Variants in CTPS2 observed in about 807,000 individuals in gnomAD.
The protein encoded by CTPS2 is CTP synthase 2.
A neutral mutation model predicts 46.8 loss-of-function variants in CTPS2; 19 were observed. The ratio of observed to expected loss-of-function variants is 0.41; its 90% CI spans 0.28 to 0.60. The LOEUF is 0.60. CTPS2 is among the 20% of genes least tolerant of loss of function. The probability of loss-of-function intolerance (pLI) is 0.35; values close to 1 mark genes in which losing one functional copy is unlikely to be tolerated. For synonymous variants in CTPS2, 151 were observed against 165.2 expected (o/e 0.91, Z 0.66); for missense variants, 286 against 447.6 (o/e 0.64, Z 3.26).
At chrX:16,678,007 G>GA (rs1194366282) in intron 10 of CTPS2, among the ~76,000 whole-genome samples, 4 of 109,694 alleles carry the variant, frequency 3.6e-5, no homozygotes, top group African/African-American at 1.3e-4. Flanking sequence ...AAAAGAGAGA[G>GA]AAAAAAAAAG....
At position 16,600,119 on chromosome X, in the gene CTPS2, G is replaced by A. The variant is rs930505088; in HGVS notation, c.1692-9257C>T. Among the ~76,000 whole-genome samples the A allele has an allele frequency of 5.4e-5, 6 of 112,141 alleles. No homozygotes were observed. In the South Asian group the frequency reaches 2.2e-3, roughly 42 times the overall value. On this transcript the variant is annotated intron_variant, in intron 17 of 18. Coordinates refer to ENST00000359276, the MANE Select transcript of CTPS2 (RefSeq NM_175859.3). ...CGAAAGGTTTGTCATAGTGAAGTTT[G>A]CTTGTCAAGGACTTCTGGCTCCCAA... is the stretch of plus-strand genomic sequence containing the variant.
At chrX:16,663,849 T>G (rs1933053372) in intron 13 of CTPS2, among the ~76,000 whole-genome samples, 1 of 111,239 alleles carries the variant, frequency 9.0e-6, no homozygotes, top group East Asian at 2.8e-4. Context: ...TTTTTCATTT[T>G]TTTTGAGGCA....
At chrX:16,669,945 C>A (rs937856809) in intron 11 of CTPS2, among the ~76,000 whole-genome samples, 1 of 110,736 alleles carries the variant, frequency 9.0e-6, no homozygotes, top group African/African-American at 3.3e-5. Context: ...TCAACTCGGC[C>A]GGGCACGGGG....
At chrX:16,605,397 C>T (rs1929918582) in intron 17 of CTPS2, among the ~76,000 whole-genome samples, 1 of 111,538 alleles carries the variant, frequency 9.0e-6, no homozygotes, top group Non-Finnish European at 1.9e-5. Flanking sequence ...ACTGATCTTG[C>T]TGTGCATGTT....
At chrX:16,706,232 T>C (rs1405463628) in intron 1 of CTPS2, among the ~76,000 whole-genome samples, 1 of 111,612 alleles carries the variant, frequency 9.0e-6, no homozygotes, top group African/African-American at 3.3e-5. Flanking sequence ...GAGACCAGCC[T>C]GGCCAACATG....
At chrX:16,633,479 A>T (rs763716544) in intron 14 of CTPS2, among the ~76,000 whole-genome samples, 120 of 111,731 alleles carry the variant, frequency 1.1e-3, no homozygotes, top group African/African-American at 3.8e-3. Context: ...TATGGAATCA[A>T]CTTTCAGCGC....
At chrX:16,644,233 C>T (rs1410912829) in intron 13 of CTPS2, among the ~76,000 whole-genome samples, 1 of 110,077 alleles carries the variant, frequency 9.1e-6, no homozygotes, top group Non-Finnish European at 1.9e-5. Flanking sequence ...CTCCTGGCTT[C>T]AAGTGATCCT....
intron 17 of CTPS2, among the ~76,000 whole-genome samples, chrX:16,594,651 C>G (rs1929132702): frequency 8.9e-6 from 1 of 111,886 alleles, no homozygotes; most frequent in South Asian, 3.8e-4. Flanking sequence ...TGTTTCTAAT[C>G]TAACAGCTCT....
intron 13 of CTPS2, among the ~76,000 whole-genome samples, chrX:16,644,089 C>T (rs770227875): frequency 2.7e-5 from 3 of 111,137 alleles, no homozygotes; most frequent in Non-Finnish European, 5.7e-5. Flanking sequence ...TCCCTGAAAC[C>T]TATGAATCTG....
At chrX:16,697,375 C>T (rs1004391113) in intron 4 of CTPS2, among the ~76,000 whole-genome samples, 1 of 106,767 alleles carries the variant, frequency 9.4e-6, no homozygotes, top group South Asian at 4.2e-4. Context: ...TCATTCTGCA[C>T]GTGGAGAGGA....
chrX:16,695,528 CTT>C (rs1347124071), intron 4 of CTPS2, among the ~76,000 whole-genome samples: 10 of 111,355 alleles, frequency 9.0e-5, no homozygotes, highest in Non-Finnish European at 1.9e-4. Flanking sequence ...AGTCTTTTTT[CTT>C]TTTCTTTTTT....
chrX:16,651,188 GGGGAGGGA>G, intron 13 of CTPS2: 2 of 1,019,830 alleles, frequency 2.0e-6, no homozygotes, highest in Non-Finnish European at 2.8e-6. Context: ...GATGGTGGGA[GGGGAGGGA>G]GGGAGGGGAG....
At chrX:16,639,110 C>T (rs188453414) in intron 14 of CTPS2, 37 bp downstream of exon 14, 60 of 1,095,207 alleles carry the variant, frequency 5.5e-5, no homozygotes, top group Admixed American at 4.4e-4. Context: ...TGAGCCACAT[C>T]CAACATCTTG....
intron 14 of CTPS2, among the ~76,000 whole-genome samples, chrX:16,625,717 G>A (rs1408397928): frequency 5.7e-5 from 6 of 105,388 alleles, no homozygotes; most frequent in Non-Finnish European, 1.1e-4. Flanking sequence ...TCAGTGGGAT[G>A]GATGGGGAGG....
At chrX:16,696,055 CTG>C (rs1395061777) in intron 4 of CTPS2, among the ~76,000 whole-genome samples, 2 of 111,984 alleles carry the variant, frequency 1.8e-5, no homozygotes, top group African/African-American at 6.5e-5. Flanking sequence ...AGAAAGAAAA[CTG>C]TTATTCCTTT....
At chrX:16,631,278 G>A (rs1023596186) in intron 14 of CTPS2, among the ~76,000 whole-genome samples, 3 of 109,428 alleles carry the variant, frequency 2.7e-5, no homozygotes, top group Non-Finnish European at 5.7e-5. Context: ...AACCCGGGAG[G>A]TGGAGGTTGC....
intron 6 of CTPS2, among the ~76,000 whole-genome samples, chrX:16,692,154 C>T (rs1434928539): frequency 9.0e-6 from 1 of 111,215 alleles, no homozygotes; most frequent in Non-Finnish European, 1.9e-5. Flanking sequence ...ACTGTTTAGA[C>T]TAAAAATAAG....
intron 13 of CTPS2, among the ~76,000 whole-genome samples, chrX:16,645,145 G>A (rs1038238241): frequency 2.8e-5 from 3 of 108,447 alleles, no homozygotes; most frequent in Non-Finnish European, 5.7e-5. Flanking sequence ...ACCATGCCCG[G>A]CTAACTTTTT....
chrX:16,697,432 CTTTTTTT>C (rs5901594), intron 4 of CTPS2, among the ~76,000 whole-genome samples: 2 of 59,600 alleles, frequency 3.4e-5, no homozygotes, highest in Non-Finnish European at 5.9e-5. Context: ...TCAAATACGA[CTTTTTTT>C]TTTTTTTTTT....
Sources: gnomAD v4.1 joint callset for allele counts (sites outside exome capture counted in the v4.1 genomes callset) on GRCh38, gnomAD v4.1.1 for gene constraint, MANE v1.5 for transcripts, NCBI Gene and HGNC (gene_info 2026-07-23, HGNC 2026-07-21) for gene names.